DLGAP2: variants seen among roughly 807,000 people sequenced by gnomAD.
DLGAP2 encodes DLG associated protein 2.
Under a neutral mutation model 100.3 loss-of-function variants are expected in DLGAP2, and 26 were observed. That is an observed-to-expected ratio of 0.26 (90% CI 0.19 to 0.36). DLGAP2 has a LOEUF of 0.36. Among genes scored for constraint, DLGAP2 ranks in the 10% least tolerant of loss-of-function variants. DLGAP2 has a pLI of 1.00. For synonymous variants in DLGAP2, 886 were observed against 630.1 expected (o/e 1.41, Z -6.08); for missense variants, 1,858 against 1,453.2 (o/e 1.28, Z -4.53).
chr8:1,174,903 C>T (rs1797221008), intron 2 of DLGAP2, among the ~76,000 whole-genome samples: 1 of 152,130 alleles, frequency 6.6e-6, no homozygotes, highest in Non-Finnish European at 1.5e-5. Context: ...AGGCAGGAGG[C>T]AGCTCTGAGA....
chr8:913,460 G>A (rs1407457643), intron 2 of DLGAP2, among the ~76,000 whole-genome samples: 1 of 152,220 alleles, frequency 6.6e-6, no homozygotes, highest in Non-Finnish European at 1.5e-5. Flanking sequence ...TGAGAGTTTG[G>A]CGTGAGCGTA....
intron 3 of DLGAP2, among the ~76,000 whole-genome samples, chr8:1,416,775 G>A (rs4976885): frequency 0.25 from 37,988 of 152,164 alleles, 5,226 homozygotes; most frequent in South Asian, 0.3. Flanking sequence ...AGGAGAGCCT[G>A]GGGGCGGAAT....
At chr8:1,063,631 A>G (rs1803156578) in intron 2 of DLGAP2, among the ~76,000 whole-genome samples, 2 of 150,572 alleles carry the variant, frequency 1.3e-5, no homozygotes, top group Non-Finnish European at 2.9e-5. Flanking sequence ...AAAAGGATGT[A>G]TTAGCTTAGG....
chr8:1,623,683 G>T (rs771728527), intron 6 of DLGAP2, among the ~76,000 whole-genome samples: 2 of 152,226 alleles, frequency 1.3e-5, no homozygotes, highest in Admixed American at 6.6e-5. Context: ...GTGATGACCT[G>T]GCACCAGTGC....
At chr8:1,442,206 T>C (rs1184162022) in intron 3 of DLGAP2, among the ~76,000 whole-genome samples, 7 of 98,106 alleles carry the variant, frequency 7.1e-5, no homozygotes, top group Admixed American at 5.9e-4. Flanking sequence ...AGGCTGCTGA[T>C]GGGTTCAGCC....
At chr8:804,151 A>T (rs1041182375) in intron 1 of DLGAP2, among the ~76,000 whole-genome samples, 1 of 152,090 alleles carries the variant, frequency 6.6e-6, no homozygotes, top group African/African-American at 2.4e-5. Context: ...AGATCTTTAA[A>T]AACCAGAGGG....
intron 3 of DLGAP2, among the ~76,000 whole-genome samples, chr8:1,373,448 C>G (rs1456479637): frequency 6.6e-6 from 1 of 152,204 alleles, no homozygotes; most frequent in African/African-American, 2.4e-5. Flanking sequence ...GGACAGAGAG[C>G]CGTGTCGGCC....
chr8:1,491,910 G>A (rs888953750), intron 3 of DLGAP2, among the ~76,000 whole-genome samples: 1 of 152,216 alleles, frequency 6.6e-6, no homozygotes, highest in East Asian at 1.9e-4. Context: ...GTTTAAGCTG[G>A]TAAGGCCTGC....
At chr8:988,849 A>G (rs1245524280) in intron 2 of DLGAP2, among the ~76,000 whole-genome samples, 2 of 152,106 alleles carry the variant, frequency 1.3e-5, no homozygotes, top group South Asian at 2.1e-4. Flanking sequence ...CACTGGTGGC[A>G]CTGCTGTCCC....
intron 2 of DLGAP2, among the ~76,000 whole-genome samples, chr8:965,240 T>TCACCTCACACGGCTCCTGAGCCCAAC (rs1189283803): frequency 9.0e-5 from 11 of 121,960 alleles, no homozygotes; most frequent in African/African-American, 3.6e-4. Context: ...ACGGCACTGT[T>TCACCTCACACGGCTCCTGAGCCCAAC]CACCTCACAC....
intron 2 of DLGAP2, among the ~76,000 whole-genome samples, chr8:947,930 C>T (rs921121670): frequency 6.9e-6 from 1 of 145,564 alleles, no homozygotes. Context: ...CCCGCGTGTG[C>T]CATGGGTTCC....
intron 3 of DLGAP2, among the ~76,000 whole-genome samples, chr8:1,470,785 C>G (rs78252955): frequency 0.57 from 24,021 of 41,782 alleles, 7,545 homozygotes; most frequent in Middle Eastern, 0.67. Context: ...ACTCCCCCAG[C>G]CTTTCCCGAC....
At chr8:1,380,168 C>G (rs1157752500) in intron 3 of DLGAP2, 1 of 152,182 alleles carries the variant, frequency 6.6e-6, no homozygotes, top group Non-Finnish European at 1.5e-5. Flanking sequence ...AATGAACATA[C>G]ATAGGAATCC....
At chr8:998,884 G>T (rs1404637356) in intron 2 of DLGAP2, among the ~76,000 whole-genome samples, 1 of 152,126 alleles carries the variant, frequency 6.6e-6, no homozygotes, top group Non-Finnish European at 1.5e-5. Context: ...TGTCTCCAGT[G>T]CAGGGGCCTG....
intron 8 of DLGAP2, among the ~76,000 whole-genome samples, chr8:1,636,478 T>A (rs1016957066): frequency 6.6e-6 from 1 of 152,208 alleles, no homozygotes; most frequent in Non-Finnish European, 1.5e-5. Context: ...TTCAGTACCT[T>A]GAATATAAGA....
At chr8:1,004,522 G>C (rs971511806) in intron 2 of DLGAP2, among the ~76,000 whole-genome samples, 1 of 152,182 alleles carries the variant, frequency 6.6e-6, no homozygotes, top group Non-Finnish European at 1.5e-5. Flanking sequence ...AAGTACCTAA[G>C]TTGTCATCTG....
intron 3 of DLGAP2, among the ~76,000 whole-genome samples, chr8:1,418,719 G>A (rs142927855): frequency 1.6e-3 from 241 of 152,100 alleles, no homozygotes; most frequent in East Asian, 5.0e-3. Flanking sequence ...CCCATGCACC[G>A]TTTCTCCCAC....
chr8:1,176,204 G>C (rs1797251445), intron 2 of DLGAP2, among the ~76,000 whole-genome samples: 2 of 152,078 alleles, frequency 1.3e-5, no homozygotes, highest in African/African-American at 2.4e-5. Context: ...CGGTAGGTGA[G>C]AGACAGTGTG....
At chr8:1,175,925 T>C (rs1418725988) in intron 2 of DLGAP2, among the ~76,000 whole-genome samples, 1 of 152,204 alleles carries the variant, frequency 6.6e-6, no homozygotes. Flanking sequence ...CTCTCGGCTT[T>C]GCCATCTGCA....
Sources: allele counts gnomAD v4.1 joint callset (sites outside exome capture counted in the v4.1 genomes callset), GRCh38; gene constraint gnomAD v4.1.1; transcripts MANE v1.5; gene names NCBI Gene and HGNC (gene_info 2026-07-23, HGNC 2026-07-21).